The following USP40 variants were observed in gnomAD, a reference collection of about 807,000 sequenced individuals.
USP40 encodes the protein ubiquitin specific peptidase 40.
Under a neutral mutation model 166.2 loss-of-function variants are expected in USP40, and 143 were observed. That is an observed-to-expected ratio of 0.86 (90% CI 0.75 to 0.99). The LOEUF is 0.99. USP40 is among the 50% of genes least tolerant of loss of function. The probability of loss-of-function intolerance (pLI) is 0.00; values close to 1 mark genes in which losing one functional copy is unlikely to be tolerated. For missense variants in USP40, 1,444 were observed against 1,479.7 expected (o/e 0.98, Z 0.40); for synonymous variants, 498 against 524.0 (o/e 0.95, Z 0.68).
In USP40 at chr2:233,494,401, G is replaced by C. The variant is rs539839615; in HGVS notation, c.2791-850C>G. ...CTGAGAAGTTTCTGTAGAATAATTT[G>C]CCTGTACCTGTCATATTTTAAAATG... On this transcript the variant is annotated intron_variant, in intron 24 of 31. Transcript: ENST00000678225. Among the ~76,000 whole-genome samples the C allele has an allele frequency of 1.7e-4, 26 of 152,040 alleles. No homozygotes were observed. The South Asian group carries it at 5.4e-3, about 32-fold the overall frequency.
At chr2:233,552,297 TA>T (rs900324660) in intron 6 of USP40, among the ~76,000 whole-genome samples, 11 of 149,982 alleles carry the variant, frequency 7.3e-5, no homozygotes, top group African/African-American at 2.7e-4. Flanking sequence ...AAAATGCATC[TA>T]AAAAAACTGA....
chr2:233,509,429 G>C lies in USP40; in HGVS notation c.2613+620C>G, dbSNP rs191281377. ...ATATGCCAAAATGTTAATATTGGTA[G>C]GATAAAGAATAATGATAGGTTTTCA... is the stretch of plus-strand genomic sequence containing the variant. On this transcript the variant is annotated intron_variant, in intron 21 of 31. Transcript: ENST00000678225. Among the ~76,000 whole-genome samples, 975 of 152,074 alleles carry C rather than the reference G, an allele frequency of 6.4e-3. 4 individuals carry two copies. Among genetic ancestry groups the C allele is most frequent in the African/African-American group, 0.022 (922 of 41,470 alleles).
chr2:233,563,543 G>A (rs1337307455), intron 2 of USP40, among the ~76,000 whole-genome samples: 1 of 151,992 alleles, frequency 6.6e-6, no homozygotes. Context: ...CTAAGTGCTG[G>A]GACTCGGCAA....
rs376262253 is a variant in USP40 at position 233,557,705 on chromosome 2, T to C, written c.382-686A>G. 1.1e-4 allele frequency among the ~76,000 whole-genome samples: 17 copies of C among 152,254 alleles called. No homozygotes were observed. The East Asian group carries it at 3.1e-3, about 28-fold the overall frequency. ...AGGCTTTAAGGAGGGTGGTGAGTGC[T>C]GCTGAGAGCTCCTTCTGCTGAGAAC... On this transcript the variant is annotated intron_variant, in intron 4 of 31. Coordinates refer to ENST00000678225, the MANE Select transcript of USP40 (RefSeq NM_001365479.2).
chr2:233,503,694 G>A (rs941646352), intron 21 of USP40, among the ~76,000 whole-genome samples: 7 of 152,074 alleles, frequency 4.6e-5, no homozygotes, highest in African/African-American at 9.7e-5. Context: ...AAATAAAGGC[G>A]AGATATAAAT....
chr2:233,484,653 T>C (rs2064832714), intron 30 of USP40, among the ~76,000 whole-genome samples: 1 of 152,068 alleles, frequency 6.6e-6, no homozygotes, highest in African/African-American at 2.4e-5. Context: ...GGCTAATTTT[T>C]GTATTTTTTT....
chr2:233,503,877 C>G (rs988240820), intron 21 of USP40, among the ~76,000 whole-genome samples: 5 of 152,094 alleles, frequency 3.3e-5, no homozygotes, highest in Admixed American at 6.5e-5. Flanking sequence ...TTGGAATACC[C>G]CAGTGTCGCA....
Position 233,509,530 on chromosome 2 carries a change from T to C in USP40, c.2613+519A>G, listed in dbSNP as rs373156583. ...ACTATTATTGATAGAAAGAAAAAAA[T>C]TGTAATCTTATTTAAAATTTCCAGT... On this transcript the variant is annotated intron_variant, in intron 21 of 31. Transcript: ENST00000678225. Among the ~76,000 whole-genome samples, 28 of 152,116 alleles carry C rather than the reference T, an allele frequency of 1.8e-4. No homozygotes were observed. In the East Asian group the frequency reaches 4.6e-3, roughly 25 times the overall value.
chr2:233,537,470 C>A (rs1478536132), intron 10 of USP40, among the ~76,000 whole-genome samples: 1 of 152,020 alleles, frequency 6.6e-6, no homozygotes, highest in African/African-American at 2.4e-5. Flanking sequence ...AAATACTTAG[C>A]AATAGAATGT....
At chr2:233,542,476 C>G (rs1575322064) in intron 8 of USP40, 113 bp from the exon 9 acceptor site, 1 of 616,818 alleles carries the variant, frequency 1.6e-6, no homozygotes, top group Admixed American at 3.0e-5. Flanking sequence ...TTTGGGAGGC[C>G]GAGGCAGAGG....
At position 233,486,043 on chromosome 2, in the gene USP40, C is replaced by T; in HGVS notation, c.3198-66G>A. The T allele has an allele frequency of 6.7e-7, 1 of 1,481,970 alleles. No homozygotes were observed. Among genetic ancestry groups the T allele is most frequent in the Non-Finnish European group, 9.0e-7 (1 of 1,112,314 alleles). The allele number at this position is 1,481,970 out of a possible 1,614,324, so 91.8% of individuals were successfully genotyped here. A position where few individuals can be genotyped will look rare whatever the true frequency, so the allele number is the denominator to read the frequency against. On this transcript the variant is annotated intron_variant, in intron 28 of 31. Coordinates refer to ENST00000678225, the MANE Select transcript of USP40 (RefSeq NM_001365479.2). This position sits in a 1 kb window ranked among gnomAD's most constrained non-coding sequence, Gnocchi z 4.0. ...AACAAAACCACGTGGTAACTTGAGG[C>T]ATAATGGGCAAAGCTTCTCCTCCAG...
chr2:233,488,924 A>T (rs1187064616), intron 27 of USP40, among the ~76,000 whole-genome samples: 1 of 152,100 alleles, frequency 6.6e-6, no homozygotes, highest in Non-Finnish European at 1.5e-5. Flanking sequence ...AAGAAAGAAA[A>T]GGAAAGAAAG....
chr2:233,514,620 C>T (rs1559242004), intron 18 of USP40, among the ~76,000 whole-genome samples: 1 of 152,010 alleles, frequency 6.6e-6, no homozygotes, highest in African/African-American at 2.4e-5. Flanking sequence ...GGGCTTTGTG[C>T]GGAGGAGTGA....
intron 11 of USP40, 59 bp downstream of exon 11, chr2:233,533,420 C>G: frequency 2.7e-6 from 4 of 1,500,462 alleles, no homozygotes; most frequent in Non-Finnish European, 3.6e-6. Flanking sequence ...AAACAGCATT[C>G]CATGTTTATC....
intron 28 of USP40, among the ~76,000 whole-genome samples, chr2:233,487,283 T>C (rs569260891): frequency 6.6e-6 from 1 of 152,342 alleles, no homozygotes; most frequent in South Asian, 2.1e-4. Flanking sequence ...GAGAACAAGA[T>C]AATCATCTTT....
intron 6 of USP40, among the ~76,000 whole-genome samples, chr2:233,553,373 A>G (rs2070759208): frequency 2.0e-5 from 3 of 152,184 alleles, no homozygotes; most frequent in Admixed American, 6.5e-5. Flanking sequence ...TTTTTTAAAA[A>G]TCTGTCCTCC....
chr2:233,519,019 CTA>C (rs1206265123), intron 18 of USP40, among the ~76,000 whole-genome samples: 1 of 152,132 alleles, frequency 6.6e-6, no homozygotes, highest in East Asian at 1.9e-4. Flanking sequence ...ACACAAAAGA[CTA>C]TATGTTTTAT....
chr2:233,516,831 T>C (rs142954937), intron 18 of USP40, among the ~76,000 whole-genome samples: 164 of 151,864 alleles, frequency 1.1e-3, no homozygotes, highest in African/African-American at 3.8e-3. Flanking sequence ...TACTCCAGCC[T>C]TGGGGACAGA....
chr2:233,477,247 G>A lies in USP40; in HGVS notation c.*145C>T, dbSNP rs2064225975. 1.3e-6 allele frequency: 1 copy of A among 757,600 alleles called. No homozygotes were observed. The highest frequency in any genetic ancestry group is 2.0e-5 in the Admixed American group (1 of 48,964). The allele number at this position is 757,600 out of a possible 1,614,324, so 46.9% of individuals were successfully genotyped here. A position where few individuals can be genotyped will look rare whatever the true frequency, so the allele number is the denominator to read the frequency against. ...CTAAGTGACTACATGCACTGGCCAG[G>A]CCTCAGAGGAGCCGTCCCTGTGCTC... On this transcript the variant is annotated 3_prime_UTR_variant, in exon 32 of 32. Coordinates refer to ENST00000678225, the MANE Select transcript of USP40 (RefSeq NM_001365479.2).
Sources: allele counts gnomAD v4.1 joint callset (sites outside exome capture counted in the v4.1 genomes callset), GRCh38; gene constraint gnomAD v4.1.1; non-coding constraint Gnocchi (gnomAD v3.1); transcripts MANE v1.5; gene names NCBI Gene and HGNC (gene_info 2026-07-23, HGNC 2026-07-21).